Variants in ABCA1 observed in about 807,000 individuals in gnomAD.
ABCA1 encodes the protein ATP binding cassette subfamily A member 1, also known as phospholipid-transporting ATPase ABCA1.
Under a neutral mutation model 262.5 loss-of-function variants are expected in ABCA1, and 133 were observed. That is an observed-to-expected ratio of 0.51 (90% CI 0.44 to 0.59). The LOEUF (loss-of-function observed/expected upper bound fraction) is 0.59, where lower values mean the gene tolerates loss of function less well. ABCA1 is among the 20% of genes least tolerant of loss of function. The probability of loss-of-function intolerance (pLI) is 0.00; values close to 1 mark genes in which losing one functional copy is unlikely to be tolerated. For missense variants in ABCA1, 2,452 were observed against 2,777.5 expected (o/e 0.88, Z 2.63); for synonymous variants, 1,022 against 1,043.5 (o/e 0.98, Z 0.40).
intron 5 of ABCA1, among the ~76,000 whole-genome samples, chr9:104,866,689 T>C (rs918158835): frequency 1.3e-5 from 2 of 152,190 alleles, no homozygotes; most frequent in African/African-American, 4.8e-5. Context: ...GGTTTCATCA[T>C]GTTGGCCAGG....
chr9:104,873,875 C>T (rs1837862493), intron 5 of ABCA1, among the ~76,000 whole-genome samples: 1 of 152,168 alleles, frequency 6.6e-6, no homozygotes, highest in South Asian at 2.1e-4. Flanking sequence ...ATGGAATTAT[C>T]CAAGGTTACA....
chr9:104,834,590 G>A (rs939778743), intron 11 of ABCA1, among the ~76,000 whole-genome samples: 10 of 149,034 alleles, frequency 6.7e-5, no homozygotes, highest in African/African-American at 2.0e-4. Context: ...AGAATAGCAA[G>A]ACTAGAAAGA....
At position 104,821,392 on chromosome 9, in the gene ABCA1, A is replaced by G. The variant is rs1478064370; in HGVS notation, c.2943T>C (p.His981=). ...GTACTCACATGTCAAACAGCACGTT[A>G]TGCTGGGGACAGACCCCCAGGTTCT... ...IRQNLGVCPQ[H]NVLFDMLTVE... Residue 981 remains histidine (H), a synonymous_variant, in exon 20 of 50, where the codon CAT becomes CAC. Coordinates refer to ENST00000374736, the MANE Select transcript of ABCA1 (RefSeq NM_005502.4). 1 of 1,614,172 alleles carries G rather than the reference A, an allele frequency of 6.2e-7. No individual in the cohort carries two copies. Among genetic ancestry groups the G allele is most frequent in the Non-Finnish European group, 8.5e-7 (1 of 1,180,030 alleles).
At chr9:104,889,564 C>G (rs1168496470) in intron 2 of ABCA1, 1 of 161,316 alleles carries the variant, frequency 6.2e-6, no homozygotes, top group Non-Finnish European at 1.3e-5. Context: ...GTAGCATTTT[C>G]CTGGAGCTCC....
At chr9:104,820,233 C>A (rs1369211821) in intron 20 of ABCA1, among the ~76,000 whole-genome samples, 164 bp from the exon 21 acceptor site, 1 of 152,178 alleles carries the variant, frequency 6.6e-6, no homozygotes, top group Non-Finnish European at 1.5e-5. Context: ...CAAGGTAGAA[C>A]AACAGTGAGC....
chr9:104,898,194 A>T (rs1180120420), intron 2 of ABCA1, among the ~76,000 whole-genome samples: 1 of 152,156 alleles, frequency 6.6e-6, no homozygotes, highest in Non-Finnish European at 1.5e-5. Flanking sequence ...AGTTCCCTCT[A>T]TCCCAAGAGT....
At chr9:104,879,481 C>T (rs1351006212) in intron 5 of ABCA1, among the ~76,000 whole-genome samples, 2 of 152,056 alleles carry the variant, frequency 1.3e-5, no homozygotes, top group African/African-American at 2.4e-5. Context: ...CTCTAGATGA[C>T]GAGAAAGGAG....
chr9:104,841,657 A>C (rs1303502889), intron 8 of ABCA1, among the ~76,000 whole-genome samples: 2 of 151,980 alleles, frequency 1.3e-5, no homozygotes, highest in African/African-American at 2.4e-5. Context: ...TCTACTCATC[A>C]TCAAGACAGC....
At chr9:104,826,353 C>G (rs953377252) in intron 16 of ABCA1, among the ~76,000 whole-genome samples, 1 of 152,118 alleles carries the variant, frequency 6.6e-6, no homozygotes, top group Admixed American at 6.6e-5. Flanking sequence ...GATAAGTGAC[C>G]TGGGGACATC....
chr9:104,896,656 T>C (rs1200545581), intron 2 of ABCA1, among the ~76,000 whole-genome samples: 1 of 135,164 alleles, frequency 7.4e-6, no homozygotes, highest in Non-Finnish European at 1.6e-5. Context: ...GCACCAAAAC[T>C]AAAACTACAT....
intron 2 of ABCA1, 34 bp downstream of exon 2, chr9:104,903,580 G>T (rs1056874403): frequency 1.4e-5 from 22 of 1,559,438 alleles, no homozygotes; most frequent in Admixed American, 3.8e-5. Context: ...GAAAAAATGA[G>T]AGAACCCCCC....
At chr9:104,800,616 A>G in intron 34 of ABCA1, 32 bp from the exon 35 acceptor site, 1 of 1,603,496 alleles carries the variant, frequency 6.2e-7, no homozygotes, top group Non-Finnish European at 8.5e-7. Flanking sequence ...CTCAGTTGTG[A>G]CTGTTCACAT....
chr9:104,832,671 GGGT>G lies in ABCA1; in HGVS notation c.1409_1411del (p.His470del). ...ACCATTACTGGACTGGACATCCTCTGGGTGCTTGGCCAAAAACGCCACGATGTC... is the reference window on the plus strand; with the variant it reads ...ACCATTACTGGACTGGACATCCTCTGGCTTGGCCAAAAACGCCACGATGTC... On this transcript the variant is annotated inframe_deletion, in exon 12 of 50. Coordinates refer to ENST00000374736, the MANE Select transcript of ABCA1 (RefSeq NM_005502.4). 2 of 1,614,136 alleles carry G rather than the reference GGGT, an allele frequency of 1.2e-6. No homozygotes were observed. Among genetic ancestry groups the G allele is most frequent in the Non-Finnish European group, 1.7e-6 (2 of 1,180,028 alleles).
intron 9 of ABCA1, among the ~76,000 whole-genome samples, chr9:104,839,349 T>TTAA (rs1834153559): frequency 6.6e-6 from 1 of 152,194 alleles, no homozygotes; most frequent in African/African-American, 2.4e-5. Flanking sequence ...TGGGCTTGAA[T>TTAA]CCTGGCTCTT....
At chr9:104,917,466 A>G (rs1221240314) in intron 1 of ABCA1, among the ~76,000 whole-genome samples, 1 of 152,164 alleles carries the variant, frequency 6.6e-6, no homozygotes, top group East Asian at 1.9e-4. Flanking sequence ...TACATTAAGG[A>G]GTAAGCGGCC....
chr9:104,859,549 T>G (rs1836161474), intron 6 of ABCA1, among the ~76,000 whole-genome samples: 1 of 152,240 alleles, frequency 6.6e-6, no homozygotes, highest in South Asian at 2.1e-4. Flanking sequence ...CTGATGTGCT[T>G]GTAGAACAAC....
At chr9:104,859,884 G>T (rs1029325301) in intron 6 of ABCA1, among the ~76,000 whole-genome samples, 1 of 151,846 alleles carries the variant, frequency 6.6e-6, no homozygotes, top group Non-Finnish European at 1.5e-5. Flanking sequence ...GTGAAACCCC[G>T]TCTCTACTAA....
At chr9:104,829,200 C>A in intron 14 of ABCA1, 62 bp from the exon 15 acceptor site, 2 of 1,558,944 alleles carry the variant, frequency 1.3e-6, no homozygotes, top group Admixed American at 1.7e-5. Flanking sequence ...GGGTGATGGG[C>A]CAAGGCCTCT....
intron 1 of ABCA1, among the ~76,000 whole-genome samples, chr9:104,923,230 C>T (rs1247023110): frequency 1.3e-5 from 2 of 152,204 alleles, no homozygotes; most frequent in Non-Finnish European, 2.9e-5. Flanking sequence ...ACTAAACTAA[C>T]AGTTCACTTC....
Sources: allele counts gnomAD v4.1 joint callset (sites outside exome capture counted in the v4.1 genomes callset), GRCh38; gene constraint gnomAD v4.1.1; transcripts MANE v1.5; gene names NCBI Gene and HGNC (gene_info 2026-07-23, HGNC 2026-07-21).